Variants in DCDC1 observed in about 807,000 individuals in gnomAD.
DCDC1 encodes the protein doublecortin domain containing 1, also known as doublecortin domain-containing protein 1.
In DCDC1, 200 loss-of-function variants were observed where a neutral mutation model predicts 178.3. That is an observed-to-expected ratio of 1.12 (90% CI 1.00 to 1.26). DCDC1 has a LOEUF of 1.26. Among genes scored for constraint, DCDC1 ranks in the 50% most tolerant of loss-of-function variants. The pLI is 0.00. For missense variants in DCDC1, 1,983 were observed against 1,749.2 expected, an observed-to-expected ratio of 1.13 and a Z score of -2.38; for synonymous variants, 690 against 604.8, an observed-to-expected ratio of 1.14 and a Z score of -2.07.
chr11:31,228,015 T>C (rs892579156), intron 9 of DCDC1, among the ~76,000 whole-genome samples: 1 of 151,964 alleles, frequency 6.6e-6, no homozygotes, highest in South Asian at 2.1e-4. Flanking sequence ...TTAGAAAACA[T>C]TGTTAGAACT....
intron 1 of DCDC1, among the ~76,000 whole-genome samples, chr11:31,358,813 A>G (rs2133365503): frequency 6.6e-6 from 1 of 152,376 alleles, no homozygotes; most frequent in Non-Finnish European, 1.5e-5. Context: ...ACATTTATGC[A>G]GCCAAAAAAC....
chr11:31,333,850 T>C (rs1471183800), intron 2 of DCDC1, among the ~76,000 whole-genome samples: 4 of 152,156 alleles, frequency 2.6e-5, no homozygotes, highest in South Asian at 2.1e-4. Flanking sequence ...CTGACAATTA[T>C]GTGTCTTGGG....
At chr11:30,944,350 T>C in intron 21 of DCDC1, 1 of 456,594 alleles carries the variant, frequency 2.2e-6, no homozygotes, top group Non-Finnish European at 4.4e-6. Context: ...CCTAAATATG[T>C]AAGACATAAT....
rs948612804 is a variant in DCDC1, at chr11:31,348,533, T to C, written c.-124-12969A>G. On this transcript the variant is annotated intron_variant, in intron 1 of 38. Transcript: ENST00000684477. ...CTGCAGCATTCCAGCAGCAAATACC[T>C]TATTTTCTGCCACTCAACATGCCCT... Among the ~76,000 whole-genome samples the C allele has an allele frequency of 2.6e-5, 4 of 152,256 alleles. No homozygotes were observed. In the South Asian group the frequency reaches 6.2e-4, roughly 24 times the overall value.
intron 20 of DCDC1, among the ~76,000 whole-genome samples, chr11:31,060,371 T>C (rs905453254): frequency 5.3e-5 from 8 of 152,090 alleles, no homozygotes; most frequent in Non-Finnish European, 4.4e-5. Context: ...TTATTCAAAA[T>C]GTTCTGCCTT....
At chr11:30,976,544 A>T (rs980142642) in intron 20 of DCDC1, among the ~76,000 whole-genome samples, 12 of 152,174 alleles carry the variant, frequency 7.9e-5, no homozygotes, top group Non-Finnish European at 1.5e-4. Context: ...ACTTAAAAAA[A>T]AAAAGACATA....
intron 9 of DCDC1, among the ~76,000 whole-genome samples, chr11:31,159,376 G>A (rs775053752): frequency 1.3e-5 from 2 of 151,996 alleles, no homozygotes; most frequent in Non-Finnish European, 2.9e-5. Context: ...AATTTCATAG[G>A]GCAAATGCTT....
At chr11:30,963,125 C>T (rs1949212321) in intron 20 of DCDC1, among the ~76,000 whole-genome samples, 1 of 152,104 alleles carries the variant, frequency 6.6e-6, no homozygotes, top group South Asian at 2.1e-4. Context: ...TAAATGAATG[C>T]TCTCTTGAGC....
rs112758768 is a variant in DCDC1 at position 31,360,037 on chromosome 11, G to T, written c.-125+9660C>A. Among the ~76,000 whole-genome samples, 1,227 of 152,300 alleles carry T rather than the reference G, an allele frequency of 8.1e-3. 23 individuals are homozygous for T. The highest frequency in any genetic ancestry group is 0.028 in the African/African-American group (1,175 of 41,566). On this transcript the variant is annotated intron_variant, in intron 1 of 38. Transcript: ENST00000684477. Reference sequence around the variant, plus strand: ...ACATACGCAATATGTAAAAGTGCTTGTTAATTTAAAATGTTAGTTCCTATT... The same window carrying T: ...ACATACGCAATATGTAAAAGTGCTTTTTAATTTAAAATGTTAGTTCCTATT...
chr11:30,908,901 T>A lies in DCDC1; in HGVS notation c.3918+45A>T. On this transcript the variant is annotated intron_variant, in intron 29 of 38. Coordinates refer to ENST00000684477, the MANE Select transcript of DCDC1 (RefSeq NM_001387274.1). ...TTCTCATTTTATTAAATTACTCTCT[T>A]TTACCCTATTTTTCTTTTATCTTTG... The A allele has an allele frequency of 2.0e-6, 3 of 1,525,900 alleles. No individual in the cohort carries two copies. In the South Asian group the frequency reaches 4.0e-5, roughly 20 times the overall value. The allele number at this position is 1,525,900 out of a possible 1,614,324, so 94.5% of individuals were successfully genotyped here. A position where few individuals can be genotyped will look rare whatever the true frequency, so the allele number is the denominator to read the frequency against.
intron 6 of DCDC1, among the ~76,000 whole-genome samples, chr11:31,294,844 AAGAAAGAAAGAAAGAAAG>A (rs1947552515): frequency 6.7e-6 from 1 of 148,276 alleles, no homozygotes; most frequent in Non-Finnish European, 1.5e-5. Flanking sequence ...GAAAGAAAGA[AAGAAAGAAAGAAAGAAAG>A]AAAGAAAAAG....
intron 9 of DCDC1, among the ~76,000 whole-genome samples, chr11:31,191,873 A>C (rs1970173382): frequency 6.6e-6 from 1 of 151,710 alleles, no homozygotes; most frequent in Admixed American, 6.6e-5. Context: ...ACTCTATTCC[A>C]CCTCTCCAGT....
At chr11:30,970,275 G>A (rs1949705415) in intron 20 of DCDC1, among the ~76,000 whole-genome samples, 1 of 152,140 alleles carries the variant, frequency 6.6e-6, no homozygotes, top group Admixed American at 6.6e-5. Flanking sequence ...GCTCATGCTG[G>A]TTCCCCAAGT....
intron 9 of DCDC1, among the ~76,000 whole-genome samples, chr11:31,216,128 G>A (rs1397905041): frequency 6.6e-6 from 1 of 152,096 alleles, no homozygotes; most frequent in Non-Finnish European, 1.5e-5. Flanking sequence ...TCAAAAGGGA[G>A]AATCCCAGAG....
chr11:31,312,685 C>T (rs1305406304), intron 3 of DCDC1: 1 of 152,156 alleles, frequency 6.6e-6, no homozygotes, highest in Non-Finnish European at 1.5e-5. Context: ...TTTCTCAGGC[C>T]TTCAGACTCA....
At chr11:31,336,357 G>T (rs1312837630) in intron 1 of DCDC1, among the ~76,000 whole-genome samples, 4 of 152,190 alleles carry the variant, frequency 2.6e-5, no homozygotes, top group Non-Finnish European at 4.4e-5. Flanking sequence ...GGATATATCT[G>T]GCAAGTGTGA....
At chr11:31,121,249 T>C (rs566866212) in intron 11 of DCDC1, among the ~76,000 whole-genome samples, 1 of 151,628 alleles carries the variant, frequency 6.6e-6, no homozygotes, top group African/African-American at 2.4e-5. Flanking sequence ...AATATACGAG[T>C]GCACATGAAA....
At position 30,894,192 on chromosome 11, in the gene DCDC1, T is replaced by C. The variant is rs1205777008; in HGVS notation, c.4902+56A>G. On this transcript the variant is annotated intron_variant, in intron 35 of 38. Transcript: ENST00000684477. ...CATTTTAAAATTCAATATTGTACTT[T>C]TAAATACTCATAAAAAGGGCAGAGT... 10 of 1,578,638 alleles carry C rather than the reference T, an allele frequency of 6.3e-6. No homozygotes were observed. In the South Asian group the frequency reaches 8.2e-5, roughly 13 times the overall value.
chr11:31,306,058 A>AT (rs528146387), intron 5 of DCDC1, among the ~76,000 whole-genome samples, 174 bp downstream of exon 5: 5 of 152,148 alleles, frequency 3.3e-5, no homozygotes, highest in African/African-American at 1.2e-4. Flanking sequence ...TATATATTGA[A>AT]TTTTTTTAAA....
Sources: gnomAD v4.1 joint callset for allele counts (sites outside exome capture counted in the v4.1 genomes callset) on GRCh38, gnomAD v4.1.1 for gene constraint, MANE v1.5 for transcripts, NCBI Gene and HGNC (gene_info 2026-07-23, HGNC 2026-07-21) for gene names.